SPAG7: variants seen among roughly 807,000 people sequenced by gnomAD.
The protein encoded by SPAG7 is sperm associated antigen 7.
A neutral mutation model predicts 30.6 loss-of-function variants in SPAG7; 20 were observed. The observed-to-expected ratio is 0.65, with a 90% CI of 0.46 to 0.95. The LOEUF is 0.95. Ranked by LOEUF, SPAG7 falls within the 40% of genes least tolerant of loss-of-function variation. SPAG7 has a pLI of 0.00. For synonymous variants in SPAG7, 127 were observed against 104.2 expected, an observed-to-expected ratio of 1.22 and a Z score of -1.33; for missense variants, 276 against 291.1, an observed-to-expected ratio of 0.95 and a Z score of 0.38.
rs144840728 is a variant in SPAG7, at chr17:4,961,263, C to T, written c.86-410G>A. Among the ~76,000 whole-genome samples, 183 of 151,026 alleles carry T rather than the reference C, an allele frequency of 1.2e-3. 2 individuals carry two copies. Among genetic ancestry groups the T allele is most frequent in the East Asian group, 9.6e-3 (49 of 5,104 alleles). The stretch of plus-strand genomic sequence containing the variant: ...CCTGGGGTCAGGAGTTCGAGACCAG[C>T]CTGGTCAACATGGTGAAACCCCATC... On this transcript the variant is annotated intron_variant, in intron 1 of 6. Coordinates refer to ENST00000206020, the MANE Select transcript of SPAG7 (RefSeq NM_004890.3).
intron 1 of SPAG7, 128 bp from the exon 2 acceptor site, chr17:4,960,981 T>C: frequency 1.3e-6 from 1 of 782,564 alleles, no homozygotes; most frequent in Non-Finnish European, 2.2e-6. Context: ...TAGCGTTTAT[T>C]CATCAAGCAT....
At chr17:4,966,041 C>CG (rs1971944807) in intron 1 of SPAG7, 1 of 152,102 alleles carries the variant, frequency 6.6e-6, no homozygotes, top group Admixed American at 6.6e-5. Context: ...TTAGTAGAGA[C>CG]GGGGTTTCAC....
intron 1 of SPAG7, among the ~76,000 whole-genome samples, chr17:4,963,978 C>CT (rs968871985): frequency 1.6e-4 from 24 of 151,964 alleles, no homozygotes; most frequent in Non-Finnish European, 3.1e-4. Context: ...TTACAGAAAA[C>CT]TTTTTTTAAA....
chr17:4,960,738 T>C (rs1971848301), intron 2 of SPAG7, 48 bp downstream of exon 2: 12 of 1,571,644 alleles, frequency 7.6e-6, no homozygotes, highest in Non-Finnish European at 1.1e-5. Context: ...TTTTAACTTA[T>C]TGGAAGTCCT....
At chr17:4,961,651 A>G (rs1351578890) in intron 1 of SPAG7, among the ~76,000 whole-genome samples, 12 of 125,568 alleles carry the variant, frequency 9.6e-5, no homozygotes, top group African/African-American at 1.2e-4. Context: ...TGTAGTCCCC[A>G]CTACTCGGGA....
At chr17:4,964,899 CT>C (rs1164848961) in intron 1 of SPAG7, among the ~76,000 whole-genome samples, 1 of 151,686 alleles carries the variant, frequency 6.6e-6, no homozygotes, top group Non-Finnish European at 1.5e-5. Flanking sequence ...CCACACCCGG[CT>C]AATTTTTTTT....
Position 4,960,071 on chromosome 17 carries a change from C to A in SPAG7, c.368G>T (p.Arg123Leu), listed in dbSNP as rs142176072. The A allele has an allele frequency of 6.2e-7, 1 of 1,614,168 alleles. No homozygotes were observed. Among genetic ancestry groups the A allele is most frequent in the South Asian group, 1.1e-5 (1 of 91,084 alleles). ...CTTCTGGGGGTCCCATTCCTCTCCACGACGGTAAGAGTCTAGCTCTTCATC... is the reference window on the plus strand; with the variant it reads ...CTTCTGGGGGTCCCATTCCTCTCCAAGACGGTAAGAGTCTAGCTCTTCATC... Reference protein sequence around the residue: ...PSDEELDSYRRGEEWDPQKAE... With the variant: ...PSDEELDSYRLGEEWDPQKAE... Residue 123 changes from arginine to leucine, a missense_variant, in exon 5 of 7, where the codon CGT becomes CTT. Coordinates refer to ENST00000206020, the MANE Select transcript of SPAG7 (RefSeq NM_004890.3).
At chr17:4,961,162 G>C (rs540901454) in intron 1 of SPAG7, among the ~76,000 whole-genome samples, 3 of 152,254 alleles carry the variant, frequency 2.0e-5, no homozygotes, top group South Asian at 4.1e-4. Flanking sequence ...CACAGTAAGA[G>C]ATTAAGAATA....
chr17:4,962,675 TCACTCTGTCACCCAGGCTGGGTG>T (rs1971882474), intron 1 of SPAG7, among the ~76,000 whole-genome samples: 1 of 152,146 alleles, frequency 6.6e-6, no homozygotes, highest in African/African-American at 2.4e-5. Flanking sequence ...AGACGGAGTC[TCACTCTGTCACCCAGGCTGGGTG>T]CAATTAGCAC....
chr17:4,967,686 CGAAG>C (rs1971991106), intron 1 of SPAG7, 30 bp downstream of exon 1: 2 of 1,536,144 alleles, frequency 1.3e-6, no homozygotes, highest in African/African-American at 1.4e-5. Context: ...GAGAACCGGG[CGAAG>C]GAAGGCGGTT....
intron 4 of SPAG7, 61 bp from the exon 5 acceptor site, chr17:4,960,172 T>C (rs1567675939): frequency 3.7e-6 from 6 of 1,603,250 alleles, no homozygotes; most frequent in Non-Finnish European, 5.1e-6. Context: ...CATTCCTTGG[T>C]CGGGGAGGGG....
chr17:4,967,188 C>A, intron 1 of SPAG7: 17 of 987,502 alleles, frequency 1.7e-5, no homozygotes, highest in Non-Finnish European at 1.9e-5. Context: ...CGGAGGGAGG[C>A]AGAAGGGACT....
At chr17:4,960,360 G>C (rs767075045) in intron 3 of SPAG7, 42 bp from the exon 4 acceptor site, 3 of 1,609,390 alleles carry the variant, frequency 1.9e-6, no homozygotes, top group Non-Finnish European at 2.6e-6. Flanking sequence ...CTTGAGCCAG[G>C]AGCGGGCCTA....
intron 1 of SPAG7, among the ~76,000 whole-genome samples, chr17:4,963,562 G>A (rs949317404): frequency 6.1e-5 from 9 of 148,574 alleles, no homozygotes; most frequent in Non-Finnish European, 8.9e-5. Flanking sequence ...GGGTTCAAGC[G>A]ATTCTTCTGC....
rs1276746942 is a variant in SPAG7, at chr17:4,959,715, C to T, written c.574+45G>A. The T allele has an allele frequency of 2.5e-6, 4 of 1,614,076 alleles. No individual in the cohort carries two copies. The South Asian group carries it at 4.4e-5, about 18-fold the overall frequency. ...AGCCTCCACTGCCCTCCTGCCGCATCCTATGCTCCTCTCCCAGCCACCCCC... is the reference window on the plus strand; with the variant it reads ...AGCCTCCACTGCCCTCCTGCCGCATTCTATGCTCCTCTCCCAGCCACCCCC... On this transcript the variant is annotated intron_variant, in intron 6 of 6. Coordinates refer to ENST00000206020, the MANE Select transcript of SPAG7 (RefSeq NM_004890.3).
chr17:4,959,739 C>T, intron 6 of SPAG7, 21 bp downstream of exon 6: 3 of 1,614,194 alleles, frequency 1.9e-6, no homozygotes, highest in Non-Finnish European at 2.5e-6. Flanking sequence ...CCAGCCACCC[C>T]CAGCCGCACT....
At chr17:4,963,451 A>ATTTTT (rs35484038) in intron 1 of SPAG7, among the ~76,000 whole-genome samples, 32 of 103,218 alleles carry the variant, frequency 3.1e-4, no homozygotes, top group African/African-American at 3.7e-4. Context: ...GGAAAGGGGA[A>ATTTTT]TTTTTTTTTT....
rs12936149 is a variant in SPAG7 at position 4,959,920 on chromosome 17, G to A, written c.418-4C>T. 1 of 1,613,008 alleles carries A rather than the reference G, an allele frequency of 6.2e-7. No homozygotes were observed. The highest frequency in any genetic ancestry group is 8.5e-7 in the Non-Finnish European group (1 of 1,179,896). ...CCTCTTGCCTCTGGGCCAGCTCCTA[G>A]GGGTGAAAGTGGGGGCACTGGTGCT... On this transcript the variant is annotated splice_polypyrimidine_tract_variant and splice_region_variant and intron_variant, in intron 5 of 6. Coordinates refer to ENST00000206020, the MANE Select transcript of SPAG7 (RefSeq NM_004890.3).
chr17:4,966,064 G>C (rs1971945348), intron 1 of SPAG7: 1 of 152,134 alleles, frequency 6.6e-6, no homozygotes, highest in Non-Finnish European at 1.5e-5. Context: ...TGTTGGCCAG[G>C]ATGCTCTCGA....
Sources: gnomAD v4.1 joint callset for allele counts (sites outside exome capture counted in the v4.1 genomes callset) on GRCh38, gnomAD v4.1.1 for gene constraint, MANE v1.5 for transcripts, NCBI Gene and HGNC (gene_info 2026-07-23, HGNC 2026-07-21) for gene names.